HMGCLL1: variants seen among roughly 807,000 people sequenced by gnomAD.
The protein encoded by HMGCLL1 is 3-hydroxy-3-methylglutaryl-CoA lyase like 1.
Under a neutral mutation model 39.1 loss-of-function variants are expected in HMGCLL1, and 36 were observed. The ratio of observed to expected loss-of-function variants is 0.92; its 90% CI spans 0.71 to 1.22. HMGCLL1 has a LOEUF of 1.22. Ranked by LOEUF, HMGCLL1 falls within the 50% of genes most tolerant of loss-of-function variation. The pLI, the probability that HMGCLL1 is intolerant of heterozygous loss-of-function variation, is 0.00. For synonymous variants in HMGCLL1, 149 were observed against 144.0 expected, an observed-to-expected ratio of 1.03 and a Z score of -0.25; for missense variants, 451 against 416.5, an observed-to-expected ratio of 1.08 and a Z score of -0.72.
At chr6:55,579,646 A>G (rs767234938), upstream of HMGCLL1, among the ~76,000 whole-genome samples, 38 of 152,314 alleles carry the variant, frequency 2.5e-4, no homozygotes, top group Non-Finnish European at 5.1e-4. Context: ...AAAGGAAAAG[A>G]TAGTCTTAAA....
chr6:55,487,975 T>C (rs1766126062), intron 7 of HMGCLL1, among the ~76,000 whole-genome samples: 1 of 152,094 alleles, frequency 6.6e-6, no homozygotes, highest in African/African-American at 2.4e-5. Context: ...TACTCTTATA[T>C]GCATCCTTCC....
rs528611371 is a variant in HMGCLL1 at position 55,480,585 on chromosome 6, G to A, written c.795+14834C>T. Among the ~76,000 whole-genome samples the A allele has an allele frequency of 9.2e-5, 14 of 151,684 alleles. No individual in the cohort carries two copies. The East Asian group carries it at 1.4e-3, about 15-fold the overall frequency. ...TCCTCAAAGTAAAAATAGAGGTACCGTATCTATTTAGGTACCGTACACATA... is the reference window on the plus strand; with the variant it reads ...TCCTCAAAGTAAAAATAGAGGTACCATATCTATTTAGGTACCGTACACATA... On this transcript the variant is annotated intron_variant, in intron 7 of 8. Transcript: ENST00000274901.
the HMGCLL1 span, among the ~76,000 whole-genome samples, chr6:55,601,778 C>A: frequency 0.14 from 21,737 of 152,078 alleles, 2,132 homozygotes; most frequent in Non-Finnish European, 0.22. Context: ...TGATTTTGAG[C>A]AAATTTCTTC....
At chr6:55,595,822 C>T in the HMGCLL1 span, among the ~76,000 whole-genome samples, 1 of 152,130 alleles carries the variant, frequency 6.6e-6, no homozygotes, top group Non-Finnish European at 1.5e-5. Flanking sequence ...GGAAATATAT[C>T]ATTGACCCAC....
At chr6:55,469,676 C>A (rs1179556653) in intron 7 of HMGCLL1, among the ~76,000 whole-genome samples, 1 of 151,392 alleles carries the variant, frequency 6.6e-6, no homozygotes, top group Non-Finnish European at 1.5e-5. Context: ...TTTCACTGGC[C>A]AAATGGAACC....
chr6:55,656,529 T>C, the HMGCLL1 span, among the ~76,000 whole-genome samples: 9 of 151,900 alleles, frequency 5.9e-5, no homozygotes, highest in Admixed American at 2.0e-4. Context: ...CTCCACTCCT[T>C]GATATCTCTC....
chr6:55,470,482 A>G (rs1419735899), intron 7 of HMGCLL1, among the ~76,000 whole-genome samples: 2 of 151,842 alleles, frequency 1.3e-5, no homozygotes, highest in Non-Finnish European at 2.9e-5. Flanking sequence ...GCTTTGGTTC[A>G]GGAAATCTTG....
At chr6:55,660,233 T>C in the HMGCLL1 span, among the ~76,000 whole-genome samples, 61,860 of 151,686 alleles carry the variant, frequency 0.41, 13,236 homozygotes, top group Middle Eastern at 0.56. Context: ...ACTTTTATTT[T>C]ACTTTCATGG....
chr6:55,542,194 G>A (rs1769480083), intron 1 of HMGCLL1, 54 bp from the exon 2 acceptor site: 3 of 1,212,658 alleles, frequency 2.5e-6, no homozygotes, highest in Non-Finnish European at 3.6e-6. Context: ...TGTTACATTT[G>A]CTTATTTGAA....
Position 55,474,327 on chromosome 6 carries a change from C to T in HMGCLL1, c.795+21092G>A, listed in dbSNP as rs577199564. Among the ~76,000 whole-genome samples, 2 of 151,380 alleles carry T rather than the reference C, an allele frequency of 1.3e-5. 1 individual carries two copies. Among genetic ancestry groups the T allele is most frequent in the South Asian group, 4.1e-4 (2 of 4,824 alleles). On this transcript the variant is annotated intron_variant, in intron 7 of 8. Transcript: ENST00000274901. Reference sequence around the variant, plus strand: ...TTATGAATTTTTTCATTAATTTTTCCTCTTTGCATTTCAGTTTTATGAAGT... The same window carrying T: ...TTATGAATTTTTTCATTAATTTTTCTTCTTTGCATTTCAGTTTTATGAAGT...
chr6:55,480,855 T>C lies in HMGCLL1; in HGVS notation c.795+14564A>G, dbSNP rs201614374. ...ACGACATGGGTGGAACTGGAGGTCA[T>C]TATGTTAAGTGAAATAAGCCAGGCA... On this transcript the variant is annotated intron_variant, in intron 7 of 8. Transcript: ENST00000274901. Among the ~76,000 whole-genome samples the C allele has an allele frequency of 2.2e-4, 32 of 148,240 alleles. No homozygotes were observed. The East Asian group carries it at 3.7e-3, about 17-fold the overall frequency.
chr6:55,585,603 A>G, the HMGCLL1 span, among the ~76,000 whole-genome samples: 1 of 152,114 alleles, frequency 6.6e-6, no homozygotes, highest in Non-Finnish European at 1.5e-5. Context: ...ATTCACTATC[A>G]ATTATAATTA....
upstream of HMGCLL1, among the ~76,000 whole-genome samples, chr6:55,580,841 G>C (rs1351075294): frequency 6.6e-6 from 1 of 152,090 alleles, no homozygotes; most frequent in Admixed American, 6.5e-5. Context: ...CTATCATATA[G>C]GTGTACATTC....
At chr6:55,452,967 G>A (rs1764165554) in intron 7 of HMGCLL1, among the ~76,000 whole-genome samples, 1 of 152,112 alleles carries the variant, frequency 6.6e-6, no homozygotes, top group Non-Finnish European at 1.5e-5. Context: ...TATATTTTGT[G>A]GTGGAGCAAG....
chr6:55,614,050 T>C, the HMGCLL1 span, among the ~76,000 whole-genome samples: 1 of 152,174 alleles, frequency 6.6e-6, no homozygotes, highest in Non-Finnish European at 1.5e-5. Context: ...TTAATGTCAT[T>C]TTTTCTAAAA....
intron 7 of HMGCLL1, among the ~76,000 whole-genome samples, chr6:55,444,535 A>G (rs1763733695): frequency 1.3e-5 from 2 of 152,040 alleles, no homozygotes; most frequent in South Asian, 4.1e-4. Context: ...TGCATGATTA[A>G]GGGAAAAACA....
At chr6:55,463,974 T>C (rs1764693339) in intron 7 of HMGCLL1, among the ~76,000 whole-genome samples, 1 of 152,190 alleles carries the variant, frequency 6.6e-6, no homozygotes, top group African/African-American at 2.4e-5. Context: ...CGCTTTAGAC[T>C]GAAATATTTT....
chr6:55,620,646 G>GAC, the HMGCLL1 span, among the ~76,000 whole-genome samples: 4 of 138,450 alleles, frequency 2.9e-5, no homozygotes, highest in Non-Finnish European at 6.6e-5. Context: ...CACACACACA[G>GAC]ACACACAGAC....
intron 7 of HMGCLL1, among the ~76,000 whole-genome samples, chr6:55,454,741 T>C (rs1764249904): frequency 1.3e-5 from 2 of 152,092 alleles, no homozygotes; most frequent in Non-Finnish European, 2.9e-5. Flanking sequence ...TAAGCCCTCT[T>C]CAAACTTAGC....
Sources: gnomAD v4.1 joint callset for allele counts (sites outside exome capture counted in the v4.1 genomes callset) on GRCh38, gnomAD v4.1.1 for gene constraint, MANE v1.5 for transcripts, NCBI Gene and HGNC (gene_info 2026-07-23, HGNC 2026-07-21) for gene names.